The following SV2C variants were observed in gnomAD, a reference collection of about 807,000 sequenced individuals.
The protein encoded by SV2C is solute carrier family 22 member B3.
A neutral mutation model predicts 79.7 loss-of-function variants in SV2C; 49 were observed. That is an observed-to-expected ratio of 0.61 (90% confidence interval 0.49 to 0.78). The LOEUF (loss-of-function observed/expected upper bound fraction) is 0.78. SV2C is among the 30% of genes least tolerant of loss of function. The probability of loss-of-function intolerance (pLI) is 0.00; values close to 1 mark genes in which losing one functional copy is unlikely to be tolerated. For missense variants in SV2C, 833 were observed against 912.9 expected, an observed-to-expected ratio of 0.91 and a Z score of 1.13; for synonymous variants, 334 against 333.2, an observed-to-expected ratio of 1.00 and a Z score of -0.03.
At chr5:75,910,249 C>G in the SV2C span, 1 of 445,872 alleles carries the variant, frequency 2.2e-6, no homozygotes, top group Non-Finnish European at 4.3e-6. Context: ...GGCAACATGG[C>G]GAAACCTCAT....
the SV2C span, chr5:75,921,380 T>A: frequency 1.1e-6 from 1 of 888,258 alleles, no homozygotes; most frequent in Non-Finnish European, 1.9e-6. Context: ...CTGGTAGGTG[T>A]CCTGCCCTGG....
intron 4 of SV2C, among the ~76,000 whole-genome samples, chr5:76,283,188 C>G (rs570059531): frequency 6.6e-6 from 1 of 152,124 alleles, no homozygotes; most frequent in African/African-American, 2.4e-5. Context: ...TGGTGTGCAC[C>G]TGTAGTCCTA....
the SV2C span, among the ~76,000 whole-genome samples, chr5:75,926,759 A>G: frequency 6.6e-6 from 1 of 152,248 alleles, no homozygotes; most frequent in Non-Finnish European, 1.5e-5. Context: ...ACACAAAGAC[A>G]AAATCCTTTG....
chr5:76,353,088 G>A (rs765811668), intron 12 of SV2C: 25 of 448,490 alleles, frequency 5.6e-5, no homozygotes, highest in Non-Finnish European at 2.2e-5. Flanking sequence ...CTACAGGTGG[G>A]AGCCACCATG....
chr5:75,964,726 CTCTAA>C, the SV2C span, among the ~76,000 whole-genome samples: 2 of 152,304 alleles, frequency 1.3e-5, no homozygotes, highest in East Asian at 1.9e-4. Context: ...TTGTCAAAAT[CTCTAA>C]TCTAATCAAG....
At chr5:76,131,575 G>T in intron 1 of SV2C, 75 bp from the exon 2 acceptor site, 1 of 442,348 alleles carries the variant, frequency 2.3e-6, no homozygotes, top group Non-Finnish European at 3.9e-6. Flanking sequence ...ACTGAAAAGA[G>T]GTCAAGAAAT....
the SV2C span, among the ~76,000 whole-genome samples, chr5:75,882,239 G>A: frequency 6.6e-6 from 1 of 151,556 alleles, no homozygotes; most frequent in Non-Finnish European, 1.5e-5. Context: ...TGTTCATCGA[G>A]GAAATAAAAG....
chr5:75,893,323 T>G, the SV2C span, among the ~76,000 whole-genome samples: 124 of 152,048 alleles, frequency 8.2e-4, no homozygotes, highest in African/African-American at 2.7e-3. Context: ...TCTGGATATA[T>G]GCAAATGTAC....
the SV2C span, among the ~76,000 whole-genome samples, chr5:75,849,853 C>G: frequency 6.6e-6 from 1 of 152,082 alleles, no homozygotes; most frequent in Admixed American, 6.5e-5. Context: ...AACTCTCAAA[C>G]GATATTGGGT....
At chr5:76,029,272 A>G in the SV2C span, among the ~76,000 whole-genome samples, 2 of 152,384 alleles carry the variant, frequency 1.3e-5, no homozygotes, top group African/African-American at 4.8e-5. Flanking sequence ...TCAAAAATAC[A>G]ATACATTGTT....
the SV2C span, chr5:75,910,535 A>C: frequency 4.7e-6 from 3 of 642,796 alleles, no homozygotes; most frequent in Non-Finnish European, 8.5e-6. Context: ...GCTTTGTTCA[A>C]ATTGTTCACC....
At chr5:76,108,842 C>T (rs35964222) in intron 1 of SV2C, among the ~76,000 whole-genome samples, 3 of 152,126 alleles carry the variant, frequency 2.0e-5, no homozygotes, top group East Asian at 1.9e-4. Flanking sequence ...GGTTGTTTGG[C>T]GTCATGTAGA....
intron 4 of SV2C, among the ~76,000 whole-genome samples, chr5:76,219,357 C>A (rs2112373734): frequency 6.6e-6 from 1 of 152,294 alleles, no homozygotes; most frequent in South Asian, 2.1e-4. Context: ...CGATTTCCTT[C>A]AGTGATGGTT....
At chr5:75,873,520 A>G in the SV2C span, among the ~76,000 whole-genome samples, 3 of 152,194 alleles carry the variant, frequency 2.0e-5, no homozygotes, top group African/African-American at 7.2e-5. Context: ...TTTACATTAA[A>G]AGTATCAAAA....
At chr5:76,273,653 C>G (rs921247875) in intron 4 of SV2C, among the ~76,000 whole-genome samples, 27 of 152,134 alleles carry the variant, frequency 1.8e-4, no homozygotes, top group Non-Finnish European at 2.4e-4. Flanking sequence ...AAGGGCAAGA[C>G]CAGAGCTTGG....
At chr5:76,040,500 T>G in the SV2C span, among the ~76,000 whole-genome samples, 8 of 152,354 alleles carry the variant, frequency 5.3e-5, no homozygotes, top group African/African-American at 1.9e-4. Flanking sequence ...CAAATTAGAA[T>G]ATTCACTTGA....
the SV2C span, among the ~76,000 whole-genome samples, chr5:76,071,936 G>A: frequency 6.6e-5 from 10 of 152,206 alleles, no homozygotes; most frequent in South Asian, 1.0e-3. Flanking sequence ...GAAGACCTAC[G>A]GGAATATTCA....
At chr5:76,032,745 T>C in the SV2C span, among the ~76,000 whole-genome samples, 2 of 152,242 alleles carry the variant, frequency 1.3e-5, no homozygotes, top group Non-Finnish European at 2.9e-5. Context: ...TGATTTATAA[T>C]CCTTTGGGTA....
chr5:76,298,373 G>A lies in SV2C; in HGVS notation c.1503-421G>A, dbSNP rs529474432. Among the ~76,000 whole-genome samples the A allele has an allele frequency of 4.6e-5, 7 of 152,210 alleles. No homozygotes were observed. The South Asian group carries it at 8.3e-4, about 18-fold the overall frequency. ...GGAAAAATAAAGTTATTAAAAGATC[G>A]GGTAGGAGGACATCCTTAAGTTAGA... is the stretch of plus-strand genomic sequence containing the variant. On this transcript the variant is annotated intron_variant, in intron 9 of 12. Transcript: ENST00000502798.
Sources: gnomAD v4.1 joint callset for allele counts (sites outside exome capture counted in the v4.1 genomes callset) on GRCh38, gnomAD v4.1.1 for gene constraint, MANE v1.5 for transcripts, NCBI Gene and HGNC (gene_info 2026-07-23, HGNC 2026-07-21) for gene names.